Variants in SPART observed in about 807,000 individuals in gnomAD.
SPART encodes spastic paraplegia 20 (Troyer syndrome).
A neutral mutation model predicts 58.7 loss-of-function variants in SPART; 35 were observed. That is an observed-to-expected ratio of 0.60 (90% CI 0.46 to 0.79). SPART has a LOEUF of 0.79. Among genes scored for constraint, SPART ranks in the 30% least tolerant of loss-of-function variants. The pLI is 0.00. For synonymous variants in SPART, 284 were observed against 280.7 expected (o/e 1.01, Z -0.12); for missense variants, 730 against 786.1 (o/e 0.93, Z 0.85).
chr13:36,367,651 T>G (rs1266460623), intron 1 of SPART, among the ~76,000 whole-genome samples: 3 of 152,172 alleles, frequency 2.0e-5, no homozygotes, highest in Admixed American at 6.5e-5. Flanking sequence ...GAAAAAAGCC[T>G]TGTAAGCTTC....
rs116187270 is a variant in SPART at position 36,367,114 on chromosome 13, G to C, written c.-3+2975C>G. Among the ~76,000 whole-genome samples the C allele has an allele frequency of 5.3e-3, 800 of 152,260 alleles. 5 individuals are homozygous for C. Among genetic ancestry groups the C allele is most frequent in the African/African-American group, 0.018 (755 of 41,546 alleles). Reference sequence around the variant, plus strand: ...CACAGCAGGGAGCGTTGTAGGAAAAGGTGTCCTTGGGAAGTTTTCGGTTTT... The same window carrying C: ...CACAGCAGGGAGCGTTGTAGGAAAACGTGTCCTTGGGAAGTTTTCGGTTTT... On this transcript the variant is annotated intron_variant, in intron 1 of 8. Coordinates refer to the SPART transcript ENST00000355182.
At chr13:36,316,569 G>A (rs533128487) in intron 5 of SPART, among the ~76,000 whole-genome samples, 6 of 151,836 alleles carry the variant, frequency 4.0e-5, no homozygotes, top group Admixed American at 2.6e-4. Flanking sequence ...AGCACCTTGC[G>A]ACCCCCACTC....
upstream of SPART, among the ~76,000 whole-genome samples, chr13:36,350,498 C>T (rs1373041098): frequency 6.6e-6 from 1 of 152,188 alleles, no homozygotes; most frequent in Admixed American, 6.5e-5. Flanking sequence ...CATTCTCTTT[C>T]CACCAGAATA....
Position 36,329,242 on chromosome 13 carries a change from T to A in SPART, c.1164+120A>T, listed in dbSNP as rs146479090. On this transcript the variant is annotated intron_variant, in intron 4 of 8. Coordinates refer to ENST00000438666, the MANE Select transcript of SPART (RefSeq NM_015087.5). ...TAATTGTTTTTGCCAGTGATCACTT[T>A]GTTGACTAATGCACAAGTTGCTTTG... 271 of 1,067,814 alleles carry A rather than the reference T, an allele frequency of 2.5e-4. No individual in the cohort carries two copies. In the African/African-American group the frequency reaches 3.9e-3, roughly 15 times the overall value. The allele number at this position is 1,067,814 out of a possible 1,614,324, so 66.1% of individuals were successfully genotyped here. A position where few individuals can be genotyped will look rare whatever the true frequency, so the allele number is the denominator to read the frequency against.
At chr13:36,359,569 C>G (rs553788418) in intron 1 of SPART, among the ~76,000 whole-genome samples, 20 of 152,294 alleles carry the variant, frequency 1.3e-4, no homozygotes, top group African/African-American at 4.6e-4. Context: ...AAGTCACTTA[C>G]CCTCAAAGCT....
At chr13:36,354,466 T>C (rs974249700) in intron 1 of SPART, among the ~76,000 whole-genome samples, 2 of 152,284 alleles carry the variant, frequency 1.3e-5, no homozygotes, top group South Asian at 4.1e-4. Context: ...CTACAGGCAC[T>C]GCATGCCTAT....
chr13:36,324,832 A>C (rs766425335), intron 5 of SPART, among the ~76,000 whole-genome samples: 61 of 152,160 alleles, frequency 4.0e-4, no homozygotes, highest in Admixed American at 1.1e-3. Context: ...GGGTAGATAA[A>C]GGAAAATTAC....
chr13:36,338,994 C>G (rs906695495), intron 1 of SPART, among the ~76,000 whole-genome samples: 1 of 151,888 alleles, frequency 6.6e-6, no homozygotes, highest in African/African-American at 2.4e-5. Flanking sequence ...GACACACACA[C>G]AGCCCAGGAT....
chr13:36,319,317 A>C, intron 5 of SPART, among the ~76,000 whole-genome samples: 3 of 135,444 alleles, frequency 2.2e-5, no homozygotes, highest in African/African-American at 5.6e-5. Context: ...CCCCTCTTGT[A>C]TCCCCCCACC....
chr13:36,335,947 T>C, intron 1 of SPART, 115 bp from the exon 2 acceptor site: 2 of 833,552 alleles, frequency 2.4e-6, no homozygotes, highest in Non-Finnish European at 4.0e-6. Context: ...CTCTGTTTTG[T>C]TCACTATTAT....
At chr13:36,334,893 A>T (rs963418581) in intron 2 of SPART, 128 bp downstream of exon 2, 1 of 738,786 alleles carries the variant, frequency 1.4e-6, no homozygotes, top group Non-Finnish European at 2.3e-6. Flanking sequence ...TTCATGGAAT[A>T]TATTTAAAAA....
intron 1 of SPART, among the ~76,000 whole-genome samples, chr13:36,356,109 T>G (rs1343041570): frequency 6.6e-6 from 1 of 152,244 alleles, no homozygotes; most frequent in African/African-American, 2.4e-5. Flanking sequence ...CATGTGGTCC[T>G]AAGACTAACT....
At chr13:36,320,987 C>T (rs1284511078) in intron 5 of SPART, among the ~76,000 whole-genome samples, 1 of 152,132 alleles carries the variant, frequency 6.6e-6, no homozygotes, top group Non-Finnish European at 1.5e-5. Flanking sequence ...CACACCTCAC[C>T]AAGCTCAGCC....
intron 1 of SPART, among the ~76,000 whole-genome samples, chr13:36,339,481 A>T (rs1399895219): frequency 4.0e-5 from 6 of 151,802 alleles, no homozygotes; most frequent in African/African-American, 1.5e-4. Flanking sequence ...AATACAAAAA[A>T]ATTTCCAGGG....
chr13:36,326,461 T>G, intron 5 of SPART, 114 bp downstream of exon 5: 1 of 1,376,404 alleles, frequency 7.3e-7, no homozygotes, highest in Admixed American at 1.9e-5. Flanking sequence ...ATTGATCATT[T>G]AAAACCAAAA....
chr13:36,331,272 CA>C, intron 3 of SPART, 126 bp downstream of exon 3: 1 of 859,322 alleles, frequency 1.2e-6, no homozygotes, highest in Non-Finnish European at 1.9e-6. Context: ...TGTGAACACA[CA>C]AACAAATGGT....
intron 1 of SPART, among the ~76,000 whole-genome samples, chr13:36,362,634 A>T (rs762298640): frequency 2.0e-5 from 3 of 152,102 alleles, no homozygotes; most frequent in Non-Finnish European, 4.4e-5. Flanking sequence ...ATCTGGACTC[A>T]TGCAGATCTT....
intron 5 of SPART, among the ~76,000 whole-genome samples, chr13:36,318,485 C>A (rs1881981761): frequency 6.6e-6 from 1 of 152,206 alleles, no homozygotes; most frequent in African/African-American, 2.4e-5. Flanking sequence ...ATTACCCAAT[C>A]TGCTCCTGAC....
At chr13:36,351,635 A>G (rs1273737933) in intron 1 of SPART, among the ~76,000 whole-genome samples, 2 of 152,202 alleles carry the variant, frequency 1.3e-5, no homozygotes, top group East Asian at 3.9e-4. Flanking sequence ...GGACTTTAGG[A>G]ATGATATATG....
Sources: allele counts gnomAD v4.1 joint callset (sites outside exome capture counted in the v4.1 genomes callset), GRCh38; gene constraint gnomAD v4.1.1; transcripts MANE v1.5; gene names NCBI Gene and HGNC (gene_info 2026-07-23, HGNC 2026-07-21).